NLGN1: variants seen among roughly 807,000 people sequenced by gnomAD.
NLGN1 encodes neuroligin 1, also known as neuroligin-1.
In NLGN1, 12 loss-of-function variants were observed where a neutral mutation model predicts 65.5. The observed-to-expected ratio is 0.18, with a 90% CI of 0.12 to 0.30. NLGN1 has a LOEUF of 0.30. NLGN1 is among the 10% of genes least tolerant of loss of function. The probability of loss-of-function intolerance (pLI) is 1.00; values close to 1 mark genes in which losing one functional copy is unlikely to be tolerated. For synonymous variants in NLGN1, 350 were observed against 359.5 expected (o/e 0.97, Z 0.30); for missense variants, 750 against 1,007.1 (o/e 0.74, Z 3.46).
chr3:173,767,857 A>G (rs1779004051), intron 3 of NLGN1, among the ~76,000 whole-genome samples: 1 of 152,126 alleles, frequency 6.6e-6, no homozygotes, highest in Non-Finnish European at 1.5e-5. Context: ...CAACAATTAA[A>G]AGAAAATTCG....
chr3:173,796,530 G>C (rs1714108283), intron 3 of NLGN1, among the ~76,000 whole-genome samples: 1 of 151,982 alleles, frequency 6.6e-6, no homozygotes, highest in South Asian at 2.1e-4. Flanking sequence ...TTGCCCATAG[G>C]AGATATAAAG....
At chr3:173,438,744 T>C (rs1718608330) in intron 2 of NLGN1, among the ~76,000 whole-genome samples, 1 of 152,110 alleles carries the variant, frequency 6.6e-6, no homozygotes, top group African/African-American at 2.4e-5. Flanking sequence ...TTAGAAATAT[T>C]CAGTAGACAG....
intron 4 of NLGN1, among the ~76,000 whole-genome samples, chr3:173,902,267 G>A (rs1465123962): frequency 1.3e-5 from 2 of 152,018 alleles, no homozygotes; most frequent in Non-Finnish European, 2.9e-5. Context: ...TCACTTAGAG[G>A]TCACAGCTTC....
At chr3:173,419,702 G>A (rs1714609135) in intron 1 of NLGN1, among the ~76,000 whole-genome samples, 1 of 151,958 alleles carries the variant, frequency 6.6e-6, no homozygotes, top group African/African-American at 2.4e-5. Flanking sequence ...TGGGCGTGGT[G>A]GCTCATGCCT....
At chr3:173,606,329 A>G (rs1043382990) in intron 3 of NLGN1, among the ~76,000 whole-genome samples, 1 of 152,106 alleles carries the variant, frequency 6.6e-6, no homozygotes, top group African/African-American at 2.4e-5. Flanking sequence ...AGACACTGAC[A>G]GCTGCAAGCT....
downstream of NLGN1, among the ~76,000 whole-genome samples, chr3:174,289,475 A>AT (rs1157563331): frequency 1.3e-5 from 2 of 151,290 alleles, no homozygotes; most frequent in East Asian, 3.9e-4. Flanking sequence ...TGCAGGATAT[A>AT]TTTTTTTCCC....
At chr3:173,702,352 TA>T (rs1202238943) in intron 3 of NLGN1, among the ~76,000 whole-genome samples, 2 of 152,178 alleles carry the variant, frequency 1.3e-5, no homozygotes, top group Non-Finnish European at 2.9e-5. Flanking sequence ...AGAATTTATG[TA>T]TGTCCTGCTA....
intron 4 of NLGN1, among the ~76,000 whole-genome samples, chr3:173,983,764 A>C (rs1026860345): frequency 6.6e-6 from 1 of 152,152 alleles, no homozygotes; most frequent in African/African-American, 2.4e-5. Flanking sequence ...AGCAGACTTC[A>C]TAAACTCCCC....
At chr3:174,262,675 T>C (rs1456533120) in intron 4 of NLGN1, among the ~76,000 whole-genome samples, 1 of 151,352 alleles carries the variant, frequency 6.6e-6, no homozygotes, top group Admixed American at 6.6e-5. Context: ...TTTTTGTGTC[T>C]CTATTTCCTT....
chr3:174,095,533 C>CTATATCTA (rs1745338485), intron 4 of NLGN1, among the ~76,000 whole-genome samples: 1 of 127,184 alleles, frequency 7.9e-6, no homozygotes, highest in African/African-American at 3.7e-5. Flanking sequence ...CATTATATAT[C>CTATATCTA]TATATATATA....
At chr3:173,921,797 A>C (rs76096180) in intron 4 of NLGN1, among the ~76,000 whole-genome samples, 22 of 152,152 alleles carry the variant, frequency 1.4e-4, no homozygotes, top group Admixed American at 1.3e-3. Flanking sequence ...AATTGACATC[A>C]TGAAGAATTA....
At chr3:174,028,600 A>G (rs1251823916) in intron 4 of NLGN1, among the ~76,000 whole-genome samples, 1 of 152,236 alleles carries the variant, frequency 6.6e-6, no homozygotes, top group Non-Finnish European at 1.5e-5. Context: ...TTATGTGTTC[A>G]CAGAGATATG....
At chr3:173,739,606 AG>A (rs1774318901) in intron 3 of NLGN1, among the ~76,000 whole-genome samples, 1 of 152,112 alleles carries the variant, frequency 6.6e-6, no homozygotes, top group Admixed American at 6.6e-5. Context: ...AAAAGACCTC[AG>A]GGAAAGGTTT....
intron 3 of NLGN1, among the ~76,000 whole-genome samples, chr3:173,660,702 G>A (rs1484089683): frequency 1.3e-5 from 2 of 151,834 alleles, no homozygotes; most frequent in African/African-American, 4.8e-5. Context: ...TCTAAACACT[G>A]TTAAAATGCT....
chr3:174,135,936 G>C lies in NLGN1; in HGVS notation c.647-139379G>C, dbSNP rs183018529. ...AGCATTGAAAATTGAGATTCAATAAGTAAAAAGTGACTACTATTTGCAGGC... is the reference window on the plus strand; with the variant it reads ...AGCATTGAAAATTGAGATTCAATAACTAAAAAGTGACTACTATTTGCAGGC... On this transcript the variant is annotated intron_variant, in intron 4 of 6. Coordinates refer to ENST00000457714, the Ensembl canonical transcript of NLGN1. 2.6e-5 allele frequency among the ~76,000 whole-genome samples: 4 copies of C among 152,194 alleles called. No individual in the cohort carries two copies. In the East Asian group the frequency reaches 7.7e-4, roughly 29 times the overall value.
intron 3 of NLGN1, among the ~76,000 whole-genome samples, chr3:173,705,512 T>A (rs1767914962): frequency 6.6e-6 from 1 of 152,126 alleles, no homozygotes; most frequent in African/African-American, 2.4e-5. Context: ...ACACCTGAGA[T>A]TTTTGAAATC....
chr3:173,865,421 A>G (rs902644202), intron 4 of NLGN1, among the ~76,000 whole-genome samples: 2 of 152,170 alleles, frequency 1.3e-5, no homozygotes, highest in African/African-American at 4.8e-5. Flanking sequence ...TTACATGTAC[A>G]TAATAATAAC....
intron 4 of NLGN1, among the ~76,000 whole-genome samples, chr3:174,126,889 A>G (rs1719056780): frequency 6.6e-6 from 1 of 152,150 alleles, no homozygotes; most frequent in Non-Finnish European, 1.5e-5. Flanking sequence ...CAAAGACATT[A>G]GAAGCTTTTT....
intron 4 of NLGN1, among the ~76,000 whole-genome samples, chr3:173,828,459 T>G (rs1019731882): frequency 6.6e-6 from 1 of 152,162 alleles, no homozygotes. Context: ...CCAACAGATA[T>G]TCACAGAATA....
Sources: gnomAD v4.1 joint callset for allele counts (sites outside exome capture counted in the v4.1 genomes callset) on GRCh38, gnomAD v4.1.1 for gene constraint, MANE v1.5 for transcripts, NCBI Gene and HGNC (gene_info 2026-07-23, HGNC 2026-07-21) for gene names.